The following MRPL4 variants were observed in gnomAD, a reference collection of about 807,000 sequenced individuals.
MRPL4 encodes mitochondrial ribosomal protein L4.
Under a neutral mutation model 34.1 loss-of-function variants are expected in MRPL4, and 34 were observed. The ratio of observed to expected loss-of-function variants is 1.00; its 90% CI spans 0.76 to 1.33. The LOEUF (loss-of-function observed/expected upper bound fraction) is 1.33. Among genes scored for constraint, MRPL4 ranks in the 40% most tolerant of loss-of-function variants. The probability of loss-of-function intolerance (pLI) is 0.00; values close to 1 mark genes in which losing one functional copy is unlikely to be tolerated. For missense variants in MRPL4, 402 were observed against 434.6 expected (o/e 0.92, Z 0.67); for synonymous variants, 196 against 188.3 (o/e 1.04, Z -0.33).
At position 10,259,705 on chromosome 19, in the gene MRPL4, G is replaced by A; in HGVS notation, c.828G>A (p.Gln276=). The A allele has an allele frequency of 6.2e-7, 1 of 1,613,710 alleles. No homozygotes were observed. Among genetic ancestry groups the A allele is most frequent in the East Asian group, 2.2e-5 (1 of 44,842 alleles). Residue 276 remains glutamine, a synonymous_variant, in exon 9 of 9, where the codon CAG becomes CAA. Coordinates refer to ENST00000253099, the MANE Select transcript of MRPL4 (RefSeq NM_015956.3). ...TCCTGGAGGACAAGCTGCTCTGGCA[G>A]GACTCACGTTACAGACCCCTCTACC... is the stretch of plus-strand genomic sequence containing the variant. ...VAFLEDKLLW[Q]DSRYRPLYPF... is the part of the protein sequence containing the mutation.
chr19:10,252,788 T>C (rs1238292942), intron 3 of MRPL4, 87 bp downstream of exon 3: 6 of 1,499,344 alleles, frequency 4.0e-6, no homozygotes, highest in African/African-American at 2.8e-5. Context: ...GCTTGTACCC[T>C]TGGGAAAGTG....
intron 3 of MRPL4, chr19:10,252,941 T>G (rs970319765): frequency 1.8e-6 from 1 of 549,590 alleles, no homozygotes; most frequent in South Asian, 3.2e-5. Flanking sequence ...CCCGACTGAT[T>G]AGGTTCAAAT....
intron 4 of MRPL4, among the ~76,000 whole-genome samples, chr19:10,256,418 C>T (rs2039851967): frequency 6.6e-6 from 1 of 152,064 alleles, no homozygotes; most frequent in African/African-American, 2.4e-5. Flanking sequence ...TTGCACTCCA[C>T]AGCCTGGGTG....
At chr19:10,255,718 C>G (rs1006535154) in intron 4 of MRPL4, 1 of 152,622 alleles carries the variant, frequency 6.6e-6, no homozygotes. Context: ...CTCCCCATCA[C>G]CCTAGGAATA....
At chr19:10,254,516 C>T in intron 3 of MRPL4, 73 bp from the exon 4 acceptor site, 2 of 1,574,134 alleles carry the variant, frequency 1.3e-6, no homozygotes, top group Non-Finnish European at 1.7e-6. Context: ...AGGGAGAATC[C>T]TGGGTTTTCC....
upstream of MRPL4, chr19:10,252,140 T>G: frequency 6.0e-6 from 8 of 1,329,620 alleles, no homozygotes; most frequent in Non-Finnish European, 8.0e-6. Flanking sequence ...ACACCCCGCT[T>G]TCCAGCGCGG....
intron 3 of MRPL4, among the ~76,000 whole-genome samples, chr19:10,253,544 A>G (rs2039819635): frequency 6.6e-6 from 1 of 151,722 alleles, no homozygotes; most frequent in South Asian, 2.1e-4. Flanking sequence ...TAATCCCAGC[A>G]CATTGGGAGG....
At position 10,252,421 on chromosome 19, in the gene MRPL4, G is replaced by A; in HGVS notation, c.82G>A (p.Ala28Thr). 1 of 1,614,098 alleles carries A rather than the reference G, an allele frequency of 6.2e-7. No individual in the cohort carries two copies. Among genetic ancestry groups the A allele is most frequent in the Non-Finnish European group, 8.5e-7 (1 of 1,179,986 alleles). ...GGGCCTGAGTTCCCTGGCGGAAGAG[G>A]CAGCGCGTGCGACCGAGAACCCGGA... The part of the protein sequence containing the change: ...SQGLSSLAEE[A>T]ARATENPEQV... The change falls in exon 2 of 9, where the codon GCA becomes ACA. Residue 28 changes from alanine (A) to threonine (T), a missense_variant. Transcript: ENST00000253099.
intron 3 of MRPL4, 44 bp downstream of exon 3, chr19:10,252,745 A>C (rs1275832652): frequency 6.3e-7 from 1 of 1,576,974 alleles, no homozygotes; most frequent in Non-Finnish European, 8.6e-7. Context: ...AGAGGGATGA[A>C]GAGCGGGATT....
chr19:10,253,590 A>C (rs1000172059), intron 3 of MRPL4, among the ~76,000 whole-genome samples: 3 of 152,068 alleles, frequency 2.0e-5, no homozygotes, highest in Admixed American at 6.6e-5. Context: ...CAGGAGTTGC[A>C]GACCAGCCTG....
chr19:10,252,011 T>C (rs2039793067), upstream of MRPL4: 3 of 525,394 alleles, frequency 5.7e-6, no homozygotes, highest in Non-Finnish European at 9.9e-6. Flanking sequence ...TGCTGTGAGG[T>C]CGCGTTCCCC....
In MRPL4 at chr19:10,258,484, C is replaced by G; in HGVS notation, c.624C>G (p.His208Gln). ...GDPQYLTELA[H>Q]YRRWGDSVLL... ...CACAGTACCTGACAGAGCTGGCGCA[C>G]TACCGCCGCTGGGGGGACTCCGTAC... is the stretch of plus-strand genomic sequence containing the variant. Residue 208 changes from histidine to glutamine, a missense_variant, in exon 7 of 9, where the codon CAC becomes CAG. Coordinates refer to ENST00000253099, the MANE Select transcript of MRPL4 (RefSeq NM_015956.3). 1 of 1,614,126 alleles carries G rather than the reference C, an allele frequency of 6.2e-7. No individual in the cohort carries two copies. The highest frequency in any genetic ancestry group is 8.5e-7 in the Non-Finnish European group (1 of 1,180,018).
chr19:10,259,990 G>T lies in MRPL4; in HGVS notation c.*177G>T. 1 of 492,248 alleles carries T rather than the reference G, an allele frequency of 2.0e-6. No individual in the cohort carries two copies. The allele number at this position is 492,248 out of a possible 1,614,324, so 30.5% of individuals were successfully genotyped here. ...GCGACTCCACGGAAAGCCCAGACGGGCTTCTGCATCCATTCCCTCTTTTTG... is the reference window on the plus strand; with the variant it reads ...GCGACTCCACGGAAAGCCCAGACGGTCTTCTGCATCCATTCCCTCTTTTTG... On this transcript the variant is annotated 3_prime_UTR_variant, in exon 9 of 9. Coordinates refer to ENST00000253099, the MANE Select transcript of MRPL4 (RefSeq NM_015956.3).
intron 3 of MRPL4, among the ~76,000 whole-genome samples, chr19:10,254,143 C>T (rs1335921896): frequency 6.6e-6 from 1 of 152,044 alleles, no homozygotes; most frequent in Admixed American, 6.6e-5. Context: ...CTCAGCCTCC[C>T]GAGTAGCCAG....
chr19:10,253,060 T>C (rs1456277300), intron 3 of MRPL4: 2 of 226,126 alleles, frequency 8.8e-6, no homozygotes, highest in East Asian at 9.3e-5. Context: ...TATAGAAATG[T>C]TGATAATCTT....
Position 10,258,633 on chromosome 19 carries a change from C to T in MRPL4, c.687C>T (p.Ser229=), listed in dbSNP as rs1323763586. ...GAACACACGAGGAGATGCCACAGAG[C>T]ATCGTGGAGGCCACCTCTAGGCTTA... The part of the protein sequence containing the change: ...VDLTHEEMPQ[S]IVEATSRLKT... The change falls in exon 8 of 9, where the codon AGC becomes AGT. Residue 229 remains serine (S), a synonymous_variant. Transcript: ENST00000253099. 3 of 1,614,070 alleles carry T rather than the reference C, an allele frequency of 1.9e-6. No homozygotes were observed. The highest frequency in any genetic ancestry group is 2.2e-5 in the South Asian group (2 of 91,094).
At position 10,259,988 on chromosome 19, in the gene MRPL4, G is replaced by A. The variant is rs2039898434; in HGVS notation, c.*175G>A. On this transcript the variant is annotated 3_prime_UTR_variant, in exon 9 of 9. Transcript: ENST00000253099. Reference sequence around the variant, plus strand: ...GGGCGACTCCACGGAAAGCCCAGACGGGCTTCTGCATCCATTCCCTCTTTT... The same window carrying A: ...GGGCGACTCCACGGAAAGCCCAGACAGGCTTCTGCATCCATTCCCTCTTTT... The A allele has an allele frequency of 4.0e-5, 20 of 505,922 alleles. No individual in the cohort carries two copies. Among genetic ancestry groups the A allele is most frequent in the East Asian group, 2.7e-4 (8 of 29,450 alleles). The allele number at this position is 505,922 out of a possible 1,614,324, so 31.3% of individuals were successfully genotyped here.
At chr19:10,252,202 T>C (rs2039796637), upstream of MRPL4, 2 of 1,515,938 alleles carry the variant, frequency 1.3e-6, no homozygotes, top group Non-Finnish European at 1.8e-6. Flanking sequence ...CAGCGGCGCC[T>C]CGCGAGGCTC....
At position 10,252,284 on chromosome 19, in the gene MRPL4, G is replaced by A. The variant is rs1382543975; in HGVS notation, c.31G>A (p.Ala11Thr). The A allele has an allele frequency of 6.2e-7, 1 of 1,609,228 alleles. No homozygotes were observed. The highest frequency in any genetic ancestry group is 1.7e-5 in the Admixed American group (1 of 58,330). MLQFVRAGAR[A>T]WLRPTGSQGL... ...GCAGTTCGTCCGGGCCGGGGCGCGG[G>A]CCTGGCTTCGGCCTACCGGCAGCCA... Residue 11 changes from alanine (A) to threonine (T), a missense_variant, in exon 1 of 9, where the codon GCC becomes ACC. Coordinates refer to ENST00000253099, the MANE Select transcript of MRPL4 (RefSeq NM_015956.3).
Sources: gnomAD v4.1 joint callset for allele counts (sites outside exome capture counted in the v4.1 genomes callset) on GRCh38, gnomAD v4.1.1 for gene constraint, MANE v1.5 for transcripts, NCBI Gene and HGNC (gene_info 2026-07-23, HGNC 2026-07-21) for gene names.